The following CTNNBIP1 variants were observed in gnomAD, a reference collection of about 807,000 sequenced individuals.
The protein encoded by CTNNBIP1 is beta-catenin-interacting protein 1.
Under a neutral mutation model 11.8 loss-of-function variants are expected in CTNNBIP1, and 7 were observed. That is an observed-to-expected ratio of 0.60 (90% CI 0.34 to 1.12). The LOEUF (loss-of-function observed/expected upper bound fraction) is 1.12. CTNNBIP1 is among the 50% of genes most tolerant of loss of function. CTNNBIP1 has a pLI of 0.03. For missense variants in CTNNBIP1, 101 were observed against 113.4 expected, an observed-to-expected ratio of 0.89 and a Z score of 0.50; for synonymous variants, 58 against 43.9, an observed-to-expected ratio of 1.32 and a Z score of -1.26.
chr1:9,905,517 G>A (rs1639599821), intron 1 of CTNNBIP1, among the ~76,000 whole-genome samples: 2 of 151,768 alleles, frequency 1.3e-5, no homozygotes, highest in Admixed American at 1.3e-4. Flanking sequence ...CCGCCTCCCG[G>A]GTTCACGCCA....
chr1:9,908,320 G>A (rs1639658932), intron 1 of CTNNBIP1, among the ~76,000 whole-genome samples: 1 of 148,350 alleles, frequency 6.7e-6, no homozygotes, highest in Non-Finnish European at 1.5e-5. Flanking sequence ...GCCTCCCAAA[G>A]TGCTGGGATT....
At chr1:9,898,509 C>G (rs553809418) in intron 1 of CTNNBIP1, among the ~76,000 whole-genome samples, 1 of 150,832 alleles carries the variant, frequency 6.6e-6, no homozygotes, top group Non-Finnish European at 1.5e-5. Context: ...GGCAACACAG[C>G]GAGACTGTGT....
At chr1:9,854,051 A>G (rs1274152191) in intron 5 of CTNNBIP1, among the ~76,000 whole-genome samples, 1 of 152,224 alleles carries the variant, frequency 6.6e-6, no homozygotes, top group Non-Finnish European at 1.5e-5. Flanking sequence ...CCATACAGGA[A>G]AAGCAGCTGA....
chr1:9,893,315 A>G (rs1038836970), intron 1 of CTNNBIP1: 1 of 152,170 alleles, frequency 6.6e-6, no homozygotes, highest in African/African-American at 2.4e-5. Context: ...AGATCTGGGC[A>G]CACCCTGGCA....
At chr1:9,850,901 A>C (rs1032255933) in intron 5 of CTNNBIP1, 125 bp from the exon 6 acceptor site, 2 of 865,826 alleles carry the variant, frequency 2.3e-6, no homozygotes, top group South Asian at 2.7e-5. Flanking sequence ...CTCTGAGGAC[A>C]AAGTACTTCC....
At chr1:9,881,308 G>A (rs1639076685) in intron 2 of CTNNBIP1, among the ~76,000 whole-genome samples, 1 of 148,210 alleles carries the variant, frequency 6.7e-6, no homozygotes, top group Non-Finnish European at 1.5e-5. Context: ...ACAGGCATGA[G>A]CCACCACACC....
chr1:9,874,040 A>T (rs1638916837), intron 3 of CTNNBIP1, among the ~76,000 whole-genome samples: 1 of 152,066 alleles, frequency 6.6e-6, no homozygotes, highest in Non-Finnish European at 1.5e-5. Flanking sequence ...CTACCTGAGA[A>T]TGCATCTCAT....
At chr1:9,870,193 G>A (rs1281937990) in intron 5 of CTNNBIP1, among the ~76,000 whole-genome samples, 5 of 152,232 alleles carry the variant, frequency 3.3e-5, no homozygotes, top group South Asian at 2.1e-4. Flanking sequence ...CACAGCAAAC[G>A]CAGCCGTCAG....
intron 5 of CTNNBIP1, among the ~76,000 whole-genome samples, chr1:9,855,725 CT>C (rs528824089): frequency 0.043 from 5,742 of 133,668 alleles, 254 homozygotes; most frequent in African/African-American, 0.13. Flanking sequence ...TTAGGAAATG[CT>C]TTTTTTTTTT....
chr1:9,871,912 C>A lies in CTNNBIP1; in HGVS notation c.96+57G>T. 1 of 1,468,606 alleles carries A rather than the reference C, an allele frequency of 6.8e-7. No individual in the cohort carries two copies. The highest frequency in any genetic ancestry group is 1.1e-5 in the South Asian group (1 of 88,052). The allele number at this position is 1,468,606 out of a possible 1,614,324, so 91.0% of individuals were successfully genotyped here. On this transcript the variant is annotated intron_variant, in intron 4 of 5. Coordinates refer to ENST00000377263, the MANE Select transcript of CTNNBIP1 (RefSeq NM_020248.3). This position sits in a 1 kb window ranked among gnomAD's most constrained non-coding sequence, Gnocchi z 5.2. ...CCACCCTCCAATAGCCCAGCAGGGC[C>A]CCTCCCTGGGAGACCCTCCCTGGGG...
At chr1:9,909,899 G>A (rs999924269) in intron 1 of CTNNBIP1, among the ~76,000 whole-genome samples, 196 bp downstream of exon 1, 1 of 152,180 alleles carries the variant, frequency 6.6e-6, no homozygotes, top group South Asian at 2.1e-4. Context: ...AGGGAGGCGG[G>A]AGGTGGTCTG....
At chr1:9,882,453 G>A (rs959963790) in intron 2 of CTNNBIP1, among the ~76,000 whole-genome samples, 22 of 152,160 alleles carry the variant, frequency 1.4e-4, no homozygotes, top group African/African-American at 5.1e-4. Flanking sequence ...GGAGCCTGGA[G>A]GAGAAGGAGG....
chr1:9,863,061 C>T (rs1425739460), intron 5 of CTNNBIP1, among the ~76,000 whole-genome samples: 1 of 152,126 alleles, frequency 6.6e-6, no homozygotes, highest in Non-Finnish European at 1.5e-5. Flanking sequence ...GGGGTCAAAG[C>T]GACCCTCCCT....
intron 5 of CTNNBIP1, among the ~76,000 whole-genome samples, chr1:9,854,400 C>T (rs1277978357): frequency 6.8e-6 from 1 of 146,976 alleles, no homozygotes; most frequent in Admixed American, 6.8e-5. Flanking sequence ...ACTCAACAAA[C>T]TAGAAGAGAA....
At chr1:9,897,055 T>A (rs1639423040) in intron 1 of CTNNBIP1, among the ~76,000 whole-genome samples, 1 of 151,160 alleles carries the variant, frequency 6.6e-6, no homozygotes, top group East Asian at 1.9e-4. Flanking sequence ...GGCAAGAGAA[T>A]CGCTTGAACA....
At chr1:9,908,370 C>CTTT in intron 1 of CTNNBIP1, among the ~76,000 whole-genome samples, 1 of 72,474 alleles carries the variant, frequency 1.4e-5, no homozygotes, top group Non-Finnish European at 2.8e-5. Context: ...TCCACAGATT[C>CTTT]TTTTTTTTTT....
At chr1:9,889,715 G>C (rs1441100956) in intron 1 of CTNNBIP1, among the ~76,000 whole-genome samples, 1 of 152,166 alleles carries the variant, frequency 6.6e-6, no homozygotes, top group Non-Finnish European at 1.5e-5. Context: ...GACAGACCGG[G>C]GGTGGTTTTA....
chr1:9,872,135 C>T lies in CTNNBIP1; in HGVS notation c.-24-47G>A, dbSNP rs1302992218. The stretch of plus-strand genomic sequence containing the variant: ...CAAAAGGGAAGAGATCAGGATGTGA[C>T]ATACTGGGACAATGACACCTGCTAG... On this transcript the variant is annotated intron_variant, in intron 3 of 5. Coordinates refer to ENST00000377263, the MANE Select transcript of CTNNBIP1 (RefSeq NM_020248.3). This position sits in a 1 kb window ranked among gnomAD's most constrained non-coding sequence, Gnocchi z 4.0. The T allele has an allele frequency of 8.6e-7, 1 of 1,158,068 alleles. No homozygotes were observed. Among genetic ancestry groups the T allele is most frequent in the Non-Finnish European group, 1.3e-6 (1 of 771,726 alleles). The allele number at this position is 1,158,068 out of a possible 1,614,324, so 71.7% of individuals were successfully genotyped here.
At position 9,871,869 on chromosome 1, in the gene CTNNBIP1, G is replaced by A. The variant is rs960566396; in HGVS notation, c.96+100C>T. ...CCCTCCTCAGCCCGTGGCTCCGCAG[G>A]AGGCAGCCGCAGTGGCTCCACCCTC... is the stretch of plus-strand genomic sequence containing the variant. On this transcript the variant is annotated intron_variant, in intron 4 of 5. Transcript: ENST00000377263. This position sits in a 1 kb window ranked among gnomAD's most constrained non-coding sequence, Gnocchi z 5.2. 10 of 1,037,208 alleles carry A rather than the reference G, an allele frequency of 9.6e-6. No individual in the cohort carries two copies. The highest frequency in any genetic ancestry group is 1.5e-5 in the Non-Finnish European group (10 of 676,170). The allele number at this position is 1,037,208 out of a possible 1,614,324, so 64.3% of individuals were successfully genotyped here. A position where few individuals can be genotyped will look rare whatever the true frequency, so the allele number is the denominator to read the frequency against.
Sources: allele counts gnomAD v4.1 joint callset (sites outside exome capture counted in the v4.1 genomes callset), GRCh38; gene constraint gnomAD v4.1.1; non-coding constraint Gnocchi (gnomAD v3.1); transcripts MANE v1.5; gene names NCBI Gene and HGNC (gene_info 2026-07-23, HGNC 2026-07-21).